The following ARHGAP42 variants were observed in gnomAD, a reference collection of about 807,000 sequenced individuals.
ARHGAP42 encodes the protein rho GTPase-activating protein 42.
A neutral mutation model predicts 125.0 loss-of-function variants in ARHGAP42; 63 were observed. The observed-to-expected ratio is 0.50, with a 90% CI of 0.41 to 0.62. The LOEUF (loss-of-function observed/expected upper bound fraction) is 0.62, where lower values mean the gene tolerates loss of function less well. Ranked by LOEUF, ARHGAP42 falls within the 20% of genes least tolerant of loss-of-function variation. ARHGAP42 has a pLI of 0.00. For missense variants in ARHGAP42, 766 were observed against 1,024.2 expected (o/e 0.75, Z 3.44); for synonymous variants, 339 against 351.0 (o/e 0.97, Z 0.38).
At chr11:100,834,213 G>C (rs550783082) in intron 3 of ARHGAP42, among the ~76,000 whole-genome samples, 4 of 152,158 alleles carry the variant, frequency 2.6e-5, no homozygotes, top group Non-Finnish European at 5.9e-5. Context: ...TACAAGCTCA[G>C]TCAGATATAT....
At chr11:100,885,913 G>A (rs1866082035) in intron 4 of ARHGAP42, among the ~76,000 whole-genome samples, 1 of 152,152 alleles carries the variant, frequency 6.6e-6, no homozygotes, top group African/African-American at 2.4e-5. Flanking sequence ...AGTGCTGTGG[G>A]AAAAGAGGTG....
intron 4 of ARHGAP42, among the ~76,000 whole-genome samples, chr11:100,902,382 A>G (rs1866577009): frequency 6.6e-6 from 1 of 152,134 alleles, no homozygotes; most frequent in African/African-American, 2.4e-5. Flanking sequence ...TCCTATCTGT[A>G]AGCCTAATCT....
intron 11 of ARHGAP42, among the ~76,000 whole-genome samples, chr11:100,949,150 A>G (rs11224537): frequency 0.24 from 36,785 of 151,926 alleles, 4,937 homozygotes; most frequent in Middle Eastern, 0.36. Context: ...CACAGAGGAA[A>G]TAAGAGTCGC....
intron 22 of ARHGAP42, among the ~76,000 whole-genome samples, chr11:100,983,349 T>A (rs891657383): frequency 4.6e-5 from 7 of 152,342 alleles, no homozygotes; most frequent in Non-Finnish European, 1.0e-4. Flanking sequence ...TTTTCAGATA[T>A]CTTTAATACC....
At chr11:100,703,977 GGT>G (rs139888517) in intron 1 of ARHGAP42, among the ~76,000 whole-genome samples, 2,438 of 152,268 alleles carry the variant, frequency 0.016, 74 homozygotes, top group African/African-American at 0.055. Context: ...TTATGCTGAA[GGT>G]GAGATCATCC....
intron 1 of ARHGAP42, among the ~76,000 whole-genome samples, chr11:100,769,289 G>A (rs1438695108): frequency 6.6e-6 from 1 of 152,172 alleles, no homozygotes; most frequent in East Asian, 1.9e-4. Flanking sequence ...ATTTGTCCAA[G>A]GTCACATAGC....
At chr11:100,762,309 C>T (rs1229508295) in intron 1 of ARHGAP42, among the ~76,000 whole-genome samples, 4 of 152,168 alleles carry the variant, frequency 2.6e-5, no homozygotes, top group African/African-American at 4.8e-5. Context: ...ACTGTAGTGA[C>T]GCAGGGTAGC....
chr11:100,939,450 A>G (rs1867819251), intron 8 of ARHGAP42, among the ~76,000 whole-genome samples: 1 of 152,166 alleles, frequency 6.6e-6, no homozygotes, highest in Non-Finnish European at 1.5e-5. Context: ...TCATTTCTCT[A>G]AAAAGAACAA....
At chr11:100,738,134 G>A (rs2120335039) in intron 1 of ARHGAP42, among the ~76,000 whole-genome samples, 1 of 152,286 alleles carries the variant, frequency 6.6e-6, no homozygotes, top group South Asian at 2.1e-4. Context: ...TTTTCTGTGA[G>A]TCAAGAAAAT....
intron 16 of ARHGAP42, 110 bp from the exon 17 acceptor site, chr11:100,965,561 C>T (rs1370791768): frequency 1.1e-6 from 1 of 893,770 alleles, no homozygotes; most frequent in African/African-American, 1.7e-5. Flanking sequence ...GAAGCAATGC[C>T]TATGAGGCAT....
rs1268093571 is a variant in ARHGAP42 at position 100,910,673 on chromosome 11, A to G, written c.385-2779A>G. Among the ~76,000 whole-genome samples the G allele has an allele frequency of 3.8e-5, 4 of 104,710 alleles. No individual in the cohort carries two copies. The East Asian group carries it at 7.7e-4, about 20-fold the overall frequency. 68.7% of individuals were successfully genotyped at this position (104,710 alleles called of 152,430 possible). ...CAAATAAGACTTGGCTTACATGAGCAGTAAATCATGGCTTTTGGAGGAGAT... is the reference window on the plus strand; with the variant it reads ...CAAATAAGACTTGGCTTACATGAGCGGTAAATCATGGCTTTTGGAGGAGAT... On this transcript the variant is annotated intron_variant, in intron 4 of 23. Transcript: ENST00000298815.
intron 17 of ARHGAP42, among the ~76,000 whole-genome samples, chr11:100,969,056 A>G (rs1274540889): frequency 6.6e-6 from 1 of 152,184 alleles, no homozygotes; most frequent in Non-Finnish European, 1.5e-5. Context: ...GCTAGCAATA[A>G]GTTCTCTCAA....
intron 17 of ARHGAP42, among the ~76,000 whole-genome samples, chr11:100,969,427 A>C (rs1858181532): frequency 6.6e-6 from 1 of 152,104 alleles, no homozygotes; most frequent in South Asian, 2.1e-4. Flanking sequence ...TTCAGCCACT[A>C]TATCTTTGAG....
intron 1 of ARHGAP42, among the ~76,000 whole-genome samples, chr11:100,691,573 T>A (rs1033363079): frequency 6.6e-6 from 1 of 152,114 alleles, no homozygotes; most frequent in African/African-American, 2.4e-5. Flanking sequence ...TGGAGTGCAG[T>A]GATACAGACA....
chr11:100,811,064 T>C (rs1023400715), intron 3 of ARHGAP42, among the ~76,000 whole-genome samples: 4 of 152,102 alleles, frequency 2.6e-5, no homozygotes, highest in African/African-American at 7.2e-5. Context: ...CAAGTGATTC[T>C]CCTGCCTCAG....
chr11:100,700,322 G>A (rs1225860646), intron 1 of ARHGAP42, among the ~76,000 whole-genome samples: 1 of 152,150 alleles, frequency 6.6e-6, no homozygotes, highest in African/African-American at 2.4e-5. Context: ...CATGGCTACT[G>A]ACTGATCAGG....
At chr11:100,926,196 G>A (rs1867417455) in intron 6 of ARHGAP42, among the ~76,000 whole-genome samples, 1 of 152,166 alleles carries the variant, frequency 6.6e-6, no homozygotes, top group South Asian at 2.1e-4. Flanking sequence ...CTGATGTTTT[G>A]TGAGCAACTA....
chr11:100,984,119 A>C (rs1858612874), intron 22 of ARHGAP42, among the ~76,000 whole-genome samples: 1 of 151,806 alleles, frequency 6.6e-6, no homozygotes, highest in Non-Finnish European at 1.5e-5. Context: ...CCTGTCTAAA[A>C]AAAAAAAAAG....
At chr11:100,746,740 CCT>C (rs1200473032) in intron 1 of ARHGAP42, among the ~76,000 whole-genome samples, 2 of 152,168 alleles carry the variant, frequency 1.3e-5, no homozygotes, top group Non-Finnish European at 2.9e-5. Context: ...TTTCCAGTGA[CCT>C]CTGCTCCTAA....
Sources: gnomAD v4.1 joint callset for allele counts (sites outside exome capture counted in the v4.1 genomes callset) on GRCh38, gnomAD v4.1.1 for gene constraint, MANE v1.5 for transcripts, NCBI Gene and HGNC (gene_info 2026-07-23, HGNC 2026-07-21) for gene names.